Variants in KHDRBS2 observed in about 807,000 individuals in gnomAD.
KHDRBS2 encodes the protein KH domain-containing, RNA-binding, signal transduction-associated protein 2.
Under a neutral mutation model 44.3 loss-of-function variants are expected in KHDRBS2, and 26 were observed. The observed-to-expected ratio is 0.59, with a 90% CI of 0.43 to 0.81. The LOEUF is 0.81. Among genes scored for constraint, KHDRBS2 ranks in the 40% least tolerant of loss-of-function variants. The pLI is 0.00. For synonymous variants in KHDRBS2, 194 were observed against 151.1 expected (o/e 1.28, Z -2.08); for missense variants, 476 against 433.1 (o/e 1.10, Z -0.88).
chr6:61,732,073 T>G (rs1371169278), intron 7 of KHDRBS2, among the ~76,000 whole-genome samples: 1 of 152,080 alleles, frequency 6.6e-6, no homozygotes, highest in Non-Finnish European at 1.5e-5. Flanking sequence ...CACAGTAGTT[T>G]GCATCTGCCA....
the KHDRBS2 span, among the ~76,000 whole-genome samples, chr6:61,550,766 C>CTTTTTTTTTTTTTTTTTTTTTT: frequency 6.0e-5 from 7 of 117,038 alleles, no homozygotes; most frequent in Non-Finnish European, 8.2e-5. Flanking sequence ...GAGATGGTAT[C>CTTTTTTTTTTTTTTTTTTTTTT]TTTTTTTTTT....
chr6:61,651,749 A>G, the KHDRBS2 span, among the ~76,000 whole-genome samples: 1 of 151,788 alleles, frequency 6.6e-6, no homozygotes, highest in African/African-American at 2.4e-5. Context: ...ATTATGTTCC[A>G]CTCTTGTTTA....
chr6:61,794,995 T>A (rs1715035), intron 6 of KHDRBS2, among the ~76,000 whole-genome samples: 1 of 151,244 alleles, frequency 6.6e-6, no homozygotes, highest in East Asian at 2.0e-4. Context: ...AAAAATTAGC[T>A]GGGCATGGTG....
chr6:61,583,104 C>A, the KHDRBS2 span, among the ~76,000 whole-genome samples: 26 of 151,802 alleles, frequency 1.7e-4, no homozygotes, highest in African/African-American at 5.8e-4. Flanking sequence ...AGAATAAGAA[C>A]TTTTCTACCA....
intron 7 of KHDRBS2, among the ~76,000 whole-genome samples, chr6:61,715,752 T>C (rs2127552809): frequency 6.6e-6 from 1 of 151,762 alleles, no homozygotes; most frequent in East Asian, 2.0e-4. Context: ...TTTTAGTAAG[T>C]CCTTCCTACT....
the KHDRBS2 span, among the ~76,000 whole-genome samples, chr6:61,580,597 T>G: frequency 6.6e-6 from 1 of 152,120 alleles, no homozygotes; most frequent in Non-Finnish European, 1.5e-5. Context: ...AGTCTGTGGC[T>G]TCATTCCTGA....
chr6:61,944,213 C>T (rs1455085445), intron 4 of KHDRBS2, among the ~76,000 whole-genome samples: 4 of 152,074 alleles, frequency 2.6e-5, no homozygotes, highest in Non-Finnish European at 5.9e-5. Context: ...TGAACTTGGA[C>T]GTTTATTGTA....
At chr6:62,048,023 T>C (rs376348764) in intron 2 of KHDRBS2, 29 bp from the exon 3 acceptor site, 7 of 1,192,666 alleles carry the variant, frequency 5.9e-6, no homozygotes, top group Non-Finnish European at 8.8e-6. Flanking sequence ...AGAATGTCTG[T>C]TTTAAGGTAC....
intron 7 of KHDRBS2, among the ~76,000 whole-genome samples, chr6:61,718,265 G>C (rs191472519): frequency 9.2e-5 from 14 of 152,132 alleles, no homozygotes; most frequent in Admixed American, 8.5e-4. Flanking sequence ...AGGGGTTTGA[G>C]AACCTATTTT....
intron 3 of KHDRBS2, among the ~76,000 whole-genome samples, chr6:62,019,918 A>T (rs1781944226): frequency 6.6e-6 from 1 of 151,080 alleles, no homozygotes; most frequent in Non-Finnish European, 1.5e-5. Context: ...TTTGTATTTT[A>T]TTTATGTTCA....
chr6:61,805,872 C>T (rs1787075394), intron 6 of KHDRBS2, among the ~76,000 whole-genome samples: 1 of 152,134 alleles, frequency 6.6e-6, no homozygotes, highest in East Asian at 1.9e-4. Flanking sequence ...TTGGTACGGA[C>T]ACAGAGCCAT....
At chr6:61,565,348 A>G in the KHDRBS2 span, among the ~76,000 whole-genome samples, 2 of 152,102 alleles carry the variant, frequency 1.3e-5, no homozygotes, top group Non-Finnish European at 2.9e-5. Context: ...CTTCTGCACA[A>G]CAAAGAAAAC....
At chr6:62,066,685 G>A (rs1436388425) in intron 2 of KHDRBS2, among the ~76,000 whole-genome samples, 1 of 151,600 alleles carries the variant, frequency 6.6e-6, no homozygotes, top group Non-Finnish European at 1.5e-5. Context: ...TCCATTAAGA[G>A]GGGCTTATTG....
intron 1 of KHDRBS2, among the ~76,000 whole-genome samples, chr6:62,205,462 C>T (rs556048038): frequency 6.6e-6 from 1 of 152,198 alleles, no homozygotes; most frequent in South Asian, 2.1e-4. Context: ...GTACGGTCTT[C>T]TTTATTACTG....
the KHDRBS2 span, among the ~76,000 whole-genome samples, chr6:61,653,927 G>C: frequency 6.6e-6 from 1 of 151,946 alleles, no homozygotes; most frequent in Non-Finnish European, 1.5e-5. Context: ...TCCAAAATAA[G>C]TTTAACAAAT....
At chr6:62,261,477 TA>T (rs531082934) in intron 1 of KHDRBS2, among the ~76,000 whole-genome samples, 155 of 152,004 alleles carry the variant, frequency 1.0e-3, no homozygotes, top group Non-Finnish European at 1.6e-3. Flanking sequence ...AAGCATTATA[TA>T]AAGTGTCCTA....
chr6:61,969,357 C>T (rs75332620), intron 4 of KHDRBS2, among the ~76,000 whole-genome samples: 1 of 152,050 alleles, frequency 6.6e-6, no homozygotes, highest in African/African-American at 2.4e-5. Context: ...ATTCAGTACA[C>T]TCTCTAAACA....
chr6:62,264,923 T>C (rs920612986), intron 1 of KHDRBS2, among the ~76,000 whole-genome samples: 2 of 151,802 alleles, frequency 1.3e-5, no homozygotes, highest in Non-Finnish European at 2.9e-5. Context: ...AACAATTGAA[T>C]AGCTAGTATC....
chr6:61,869,972 T>TTTGTTTGTTTG (rs758911895), intron 6 of KHDRBS2, among the ~76,000 whole-genome samples: 3 of 27,248 alleles, frequency 1.1e-4, no homozygotes, highest in African/African-American at 4.4e-4. Context: ...GTGTTTTTTT[T>TTTGTTTGTTTG]TTTTTTTTTT....
Sources: gnomAD v4.1 joint callset for allele counts (sites outside exome capture counted in the v4.1 genomes callset) on GRCh38, gnomAD v4.1.1 for gene constraint, MANE v1.5 for transcripts, NCBI Gene and HGNC (gene_info 2026-07-23, HGNC 2026-07-21) for gene names.